APBB2: variants seen among roughly 807,000 people sequenced by gnomAD.
The protein encoded by APBB2 is amyloid beta precursor protein binding family B member 2, also known as Fe65-like 1.
A neutral mutation model predicts 82.5 loss-of-function variants in APBB2; 38 were observed. The ratio of observed to expected loss-of-function variants is 0.46; its 90% CI spans 0.36 to 0.60. The LOEUF (loss-of-function observed/expected upper bound fraction) is 0.60. Among genes scored for constraint, APBB2 ranks in the 20% least tolerant of loss-of-function variants. The pLI is 0.00. For missense variants in APBB2, 772 were observed against 972.3 expected (o/e 0.79, Z 2.74); for synonymous variants, 341 against 368.2 (o/e 0.93, Z 0.85).
chr4:41,039,867 T>G (rs545395766), intron 4 of APBB2, among the ~76,000 whole-genome samples: 1 of 151,830 alleles, frequency 6.6e-6, no homozygotes, highest in Non-Finnish European at 1.5e-5. Flanking sequence ...ACTGCTATTA[T>G]TGCTGTTGTT....
intron 3 of APBB2, among the ~76,000 whole-genome samples, chr4:41,077,888 G>C (rs530225172): frequency 6.6e-6 from 1 of 152,316 alleles, no homozygotes; most frequent in East Asian, 1.9e-4. Context: ...AGCAAGCAGA[G>C]AGCCCAAGAA....
chr4:41,026,471 C>G (rs1714275275), intron 5 of APBB2, among the ~76,000 whole-genome samples: 2 of 152,270 alleles, frequency 1.3e-5, no homozygotes, highest in South Asian at 4.1e-4. Context: ...AAAATGAAAT[C>G]CTGTACCCAT....
intron 1 of APBB2, among the ~76,000 whole-genome samples, chr4:41,166,974 G>T (rs1766838587): frequency 1.3e-5 from 2 of 152,154 alleles, no homozygotes; most frequent in Non-Finnish European, 2.9e-5. Context: ...TGCATTTTGG[G>T]GTTAAACCCA....
At chr4:40,937,502 G>T (rs944934048) in intron 7 of APBB2, among the ~76,000 whole-genome samples, 12 of 152,254 alleles carry the variant, frequency 7.9e-5, no homozygotes, top group African/African-American at 2.6e-4. Context: ...TGAGTTAGAT[G>T]GCAAATGTCC....
At chr4:40,872,094 C>G (rs114985308) in intron 12 of APBB2, among the ~76,000 whole-genome samples, 173 of 152,330 alleles carry the variant, frequency 1.1e-3, no homozygotes, top group African/African-American at 3.9e-3. Context: ...GAAATGTGAG[C>G]AAAAGCGCTA....
intron 6 of APBB2, among the ~76,000 whole-genome samples, chr4:40,994,102 T>C (rs1802933141): frequency 6.6e-6 from 1 of 151,776 alleles, no homozygotes; most frequent in Non-Finnish European, 1.5e-5. Flanking sequence ...ATCCTGTGAA[T>C]GGTGAAGCCC....
chr4:40,826,258 C>A lies in APBB2; in HGVS notation c.1733-288G>T, dbSNP rs1337624475. ...CTTTGATGTATATTAAGTAAAGTAG[C>A]AGCTTTTGGTGTCCTATTTAATTAG... is the stretch of plus-strand genomic sequence containing the variant. On this transcript the variant is annotated intron_variant, in intron 14 of 17. Coordinates refer to ENST00000508593, the MANE Select transcript of APBB2 (RefSeq NM_004307.2). This position sits in a 1 kb window ranked among gnomAD's most constrained non-coding sequence, Gnocchi z 4.5. The A allele has an allele frequency of 2.3e-5, 8 of 353,820 alleles. No homozygotes were observed. Among genetic ancestry groups the A allele is most frequent in the South Asian group, 1.9e-4 (6 of 31,522 alleles). The allele number at this position is 353,820 out of a possible 1,614,324, so 21.9% of individuals were successfully genotyped here.
chr4:40,893,360 C>T lies in APBB2; in HGVS notation c.1306G>A (p.Ala436Thr), dbSNP rs371609481. The change falls in exon 11 of 18, where the codon GCC becomes ACC. Residue 436 changes from alanine (A) to threonine (T), a missense_variant. Physicochemically the swap from Ala to Thr is moderately conservative, Grantham distance 58. Coordinates refer to ENST00000508593, the MANE Select transcript of APBB2 (RefSeq NM_004307.2). ...ACCGCAACACTACTTTTACCGGGGGCGAGGTCCTCTTCTGCCATCTCTACC... is the reference window on the plus strand; with the variant it reads ...ACCGCAACACTACTTTTACCGGGGGTGAGGTCCTCTTCTGCCATCTCTACC... ...GWVEMAEEDL[A>T]PGKSSVAVNN... The T allele has an allele frequency of 8.1e-6, 13 of 1,613,486 alleles. No individual in the cohort carries two copies. The highest frequency in any genetic ancestry group is 6.7e-5 in the Admixed American group (4 of 59,924).
intron 5 of APBB2, among the ~76,000 whole-genome samples, chr4:41,031,224 CA>C (rs964388933): frequency 6.6e-6 from 1 of 150,886 alleles, no homozygotes; most frequent in East Asian, 1.9e-4. Flanking sequence ...GACTCTGTCT[CA>C]AAAAAAATTT....
At position 40,948,026 on chromosome 4, in the gene APBB2, A is replaced by G. The variant is rs554955114; in HGVS notation, c.836-2953T>C. Among the ~76,000 whole-genome samples, 8 of 152,384 alleles carry G rather than the reference A, an allele frequency of 5.2e-5. No homozygotes were observed. The East Asian group carries it at 1.3e-3, about 26-fold the overall frequency. On this transcript the variant is annotated intron_variant, in intron 6 of 17. Transcript: ENST00000508593. ...CGATTTCACAGAACAGAGCAACTTC[A>G]TGACTCCCAAGACTTACTAACATTT... is the stretch of plus-strand genomic sequence containing the variant.
At chr4:41,155,140 A>T (rs1272401390) in intron 1 of APBB2, among the ~76,000 whole-genome samples, 1 of 152,280 alleles carries the variant, frequency 6.6e-6, no homozygotes, top group East Asian at 1.9e-4. Flanking sequence ...CAACTTGAGG[A>T]TATCCACAGT....
chr4:40,827,621 A>T (rs556206759), intron 13 of APBB2, among the ~76,000 whole-genome samples: 33 of 152,238 alleles, frequency 2.2e-4, no homozygotes, highest in Admixed American at 6.5e-4. Flanking sequence ...GACAGACAAC[A>T]TGGGTTCAAA....
At chr4:40,943,517 G>C (rs1787573350) in intron 7 of APBB2, among the ~76,000 whole-genome samples, 1 of 152,148 alleles carries the variant, frequency 6.6e-6, no homozygotes, top group African/African-American at 2.4e-5. Flanking sequence ...TGGTACAGGG[G>C]GAATCCCAGG....
chr4:40,990,213 G>C (rs532022721), intron 6 of APBB2: 1 of 152,234 alleles, frequency 6.6e-6, no homozygotes, highest in Admixed American at 6.5e-5. Context: ...AGCTAAGCAG[G>C]GTCAGGTCTA....
intron 3 of APBB2, among the ~76,000 whole-genome samples, chr4:41,088,780 A>G (rs1480130081): frequency 1.3e-5 from 2 of 152,210 alleles, no homozygotes; most frequent in Non-Finnish European, 2.9e-5. Context: ...CTCAACTTCT[A>G]TCTTCTCTAG....
chr4:40,931,323 T>C (rs1371251259), intron 10 of APBB2, among the ~76,000 whole-genome samples: 1 of 152,186 alleles, frequency 6.6e-6, no homozygotes, highest in African/African-American at 2.4e-5. Context: ...CATGGACTTC[T>C]CATGGACAGC....
chr4:40,911,641 T>C (rs1229247795), intron 10 of APBB2, among the ~76,000 whole-genome samples: 2 of 152,188 alleles, frequency 1.3e-5, no homozygotes, highest in Non-Finnish European at 2.9e-5. Context: ...CATCATAAGC[T>C]GCTGGGGCCT....
rs1162178339 is a variant in APBB2, at chr4:40,813,542, T to A, written c.*2550A>T. On this transcript the variant is annotated 3_prime_UTR_variant, in exon 18 of 18. Coordinates refer to ENST00000508593, the MANE Select transcript of APBB2 (RefSeq NM_004307.2). ...TGTCTGAACATACTCTTTAACATAA[T>A]TTTACAAAATTAATTTGCATTTACT... The A allele has an allele frequency of 6.6e-6, 1 of 152,216 alleles. No homozygotes were observed. Among genetic ancestry groups the A allele is most frequent in the Non-Finnish European group, 1.5e-5 (1 of 68,032 alleles). 9.4% of individuals were successfully genotyped at this position (152,216 alleles called of 1,614,324 possible).
chr4:40,975,753 AACAC>A (rs368424451), intron 6 of APBB2, among the ~76,000 whole-genome samples: 2,452 of 142,054 alleles, frequency 0.017, 65 homozygotes, highest in African/African-American at 0.059. Flanking sequence ...GTAGTAAGAA[AACAC>A]ACACACACAC....
Sources: allele counts gnomAD v4.1 joint callset (sites outside exome capture counted in the v4.1 genomes callset), GRCh38; gene constraint gnomAD v4.1.1; non-coding constraint Gnocchi (gnomAD v3.1); transcripts MANE v1.5; gene names NCBI Gene and HGNC (gene_info 2026-07-23, HGNC 2026-07-21).